The following CD2AP variants were observed in gnomAD, a reference collection of about 807,000 sequenced individuals.
The protein encoded by CD2AP is CD2 associated protein, also known as CD2-associated protein.
CD2AP carries 46 observed loss-of-function variants against 85.1 expected under a neutral mutation model. That is an observed-to-expected ratio of 0.54 (90% confidence interval 0.43 to 0.69). The LOEUF (loss-of-function observed/expected upper bound fraction) is 0.69. Among genes scored for constraint, CD2AP ranks in the 30% least tolerant of loss-of-function variants. CD2AP has a pLI of 0.00. For missense variants in CD2AP, 769 were observed against 729.5 expected, an observed-to-expected ratio of 1.05 and a Z score of -0.62; for synonymous variants, 255 against 252.9, an observed-to-expected ratio of 1.01 and a Z score of -0.08.
chr6:47,535,072 C>T (rs1353563331), intron 3 of CD2AP, among the ~76,000 whole-genome samples: 1 of 152,162 alleles, frequency 6.6e-6, no homozygotes, highest in Middle Eastern at 3.2e-3. Context: ...GCTGGAATTA[C>T]AGACGTGAGC....
rs570969295 is a variant in CD2AP, at chr6:47,560,450, T to G, written c.541+5684T>G. Among the ~76,000 whole-genome samples the G allele has an allele frequency of 1.5e-3, 234 of 152,308 alleles. 1 individual carries two copies. The highest frequency in any genetic ancestry group is 2.3e-3 in the Non-Finnish European group (159 of 68,010). On this transcript the variant is annotated intron_variant, in intron 5 of 17. Transcript: ENST00000359314. ...TATACATGGAATTTATTTCCAGTGT[T>G]TCTTAAATCTGTAATAGTCTTCTAG...
rs372843320 is a variant in CD2AP at position 47,612,013 on chromosome 6, T to C, written c.1815-460T>C. ...TGGCTAGAGTTTTTAATTTGTTTGG[T>C]TTTTGGATTTTAATGTGTTATTTAA... On this transcript the variant is annotated intron_variant, in intron 16 of 17. Transcript: ENST00000359314. Among the ~76,000 whole-genome samples, 243 of 152,108 alleles carry C rather than the reference T, an allele frequency of 1.6e-3. 1 individual carries two copies. Among genetic ancestry groups the C allele is most frequent in the African/African-American group, 5.6e-3 (233 of 41,546 alleles).
intron 3 of CD2AP, among the ~76,000 whole-genome samples, chr6:47,539,657 C>T (rs1270772317): frequency 6.6e-6 from 1 of 151,884 alleles, no homozygotes. Context: ...CTTTTTTTCT[C>T]ATTGGTAAAT....
At chr6:47,564,097 C>T (rs1240344101) in intron 5 of CD2AP, among the ~76,000 whole-genome samples, 2 of 152,122 alleles carry the variant, frequency 1.3e-5, no homozygotes, top group African/African-American at 4.8e-5. Flanking sequence ...TACTCGATAA[C>T]AATTCTGAAG....
At chr6:47,499,770 T>C (rs1436286825) in intron 1 of CD2AP, among the ~76,000 whole-genome samples, 1 of 152,090 alleles carries the variant, frequency 6.6e-6, no homozygotes, top group African/African-American at 2.4e-5. Flanking sequence ...TGAGACAGAG[T>C]CTTGCTCTGT....
intron 2 of CD2AP, among the ~76,000 whole-genome samples, chr6:47,531,953 G>A (rs1582522575): frequency 6.6e-6 from 1 of 151,784 alleles, no homozygotes; most frequent in Admixed American, 6.6e-5. Flanking sequence ...CATGCCTGTA[G>A]TCCCAGCTGC....
intron 5 of CD2AP, chr6:47,562,638 C>A: frequency 2.1e-6 from 1 of 486,106 alleles, no homozygotes; most frequent in Non-Finnish European, 3.8e-6. Flanking sequence ...GGTATTGTTG[C>A]TGGAGATGTA....
intron 3 of CD2AP, among the ~76,000 whole-genome samples, chr6:47,538,498 G>A (rs1397732655): frequency 1.3e-5 from 2 of 151,756 alleles, no homozygotes; most frequent in Non-Finnish European, 2.9e-5. Flanking sequence ...CACCTGCCTC[G>A]GCCTCCCAAA....
intron 4 of CD2AP, among the ~76,000 whole-genome samples, chr6:47,546,508 A>G (rs1264661382): frequency 6.6e-6 from 1 of 152,220 alleles, no homozygotes; most frequent in African/African-American, 2.4e-5. Context: ...ACACTTGGGA[A>G]ATTTATCACA....
rs187901897 is a variant in CD2AP, at chr6:47,530,661, A to G, written c.166-2941A>G. ...GTTATTTTCTGTATTCTTTTGTAAA[A>G]TGTACAGTACTGTGAGAACAAAAGA... On this transcript the variant is annotated intron_variant, in intron 2 of 17. Coordinates refer to ENST00000359314, the MANE Select transcript of CD2AP (RefSeq NM_012120.3). 9.1e-4 allele frequency among the ~76,000 whole-genome samples: 139 copies of G among 152,274 alleles called. 2 individuals are homozygous for G. The highest frequency in any genetic ancestry group is 3.7e-4 in the Non-Finnish European group (25 of 68,026).
In CD2AP at chr6:47,615,752, G is replaced by A. The variant is rs1045933547; in HGVS notation, c.1878+3216G>A. Among the ~76,000 whole-genome samples, 4 of 150,260 alleles carry A rather than the reference G, an allele frequency of 2.7e-5. No individual in the cohort carries two copies. In the Admixed American group the frequency reaches 2.7e-4, roughly 10 times the overall value. The stretch of plus-strand genomic sequence containing the variant: ...TATCAATGATTAAGTAACAGCAATG[G>A]AGCTGAAATTTAATTTTAATTTTAA... On this transcript the variant is annotated intron_variant, in intron 17 of 17. Coordinates refer to ENST00000359314, the MANE Select transcript of CD2AP (RefSeq NM_012120.3).
Position 47,607,871 on chromosome 6 carries a change from C to G in CD2AP, c.1531-56C>G, listed in dbSNP as rs1411219749. On this transcript the variant is annotated intron_variant, in intron 14 of 17. Coordinates refer to ENST00000359314, the MANE Select transcript of CD2AP (RefSeq NM_012120.3). ...ATTTGCTTTATTATCCAAAGACTTA[C>G]TACCTTTTCTTTTCTTTGGTCTATT... The G allele has an allele frequency of 5.1e-6, 6 of 1,167,482 alleles. No homozygotes were observed. The African/African-American group carries it at 9.2e-5, about 18-fold the overall frequency. 72.3% of individuals were successfully genotyped at this position (1,167,482 alleles called of 1,614,324 possible).
In CD2AP at chr6:47,576,948, A is replaced by G. The variant is rs1307339143; in HGVS notation, c.809-61A>G. On this transcript the variant is annotated intron_variant, in intron 7 of 17. Transcript: ENST00000359314. ...ATACTTTACACAAGATAGAGGCTAA[A>G]TAAGTATTTGTTGAATGAATCCATT... 9.0e-6 allele frequency: 8 copies of G among 888,386 alleles called. No homozygotes were observed. In the Admixed American group the frequency reaches 1.0e-4, roughly 11 times the overall value. The allele number at this position is 888,386 out of a possible 1,614,324, so 55.0% of individuals were successfully genotyped here. A position where few individuals can be genotyped will look rare whatever the true frequency, so the allele number is the denominator to read the frequency against.
chr6:47,616,437 G>A (rs1446548129), intron 17 of CD2AP, among the ~76,000 whole-genome samples: 1 of 152,074 alleles, frequency 6.6e-6, no homozygotes, highest in African/African-American at 2.4e-5. Context: ...CAGAACCTTT[G>A]CACTTCGGTA....
At chr6:47,488,365 A>G (rs1281253691) in intron 1 of CD2AP, among the ~76,000 whole-genome samples, 19 of 152,160 alleles carry the variant, frequency 1.2e-4, no homozygotes, top group Non-Finnish European at 2.5e-4. Flanking sequence ...ATACTTTGAG[A>G]CATACTGAGT....
intron 14 of CD2AP, 101 bp downstream of exon 14, chr6:47,606,378 A>G: frequency 1.3e-6 from 1 of 753,654 alleles, no homozygotes; most frequent in Non-Finnish European, 2.4e-6. Flanking sequence ...GAAAATCAGG[A>G]GGATAGCTCT....
intron 17 of CD2AP, among the ~76,000 whole-genome samples, chr6:47,616,995 A>T (rs775231339): frequency 5.3e-5 from 8 of 151,974 alleles, no homozygotes; most frequent in Non-Finnish European, 8.8e-5. Context: ...AGAGACAGGG[A>T]GTCACTCTGT....
rs1769909599 is a variant in CD2AP, at chr6:47,626,411, A to G, written c.*2184A>G. 1 of 151,750 alleles carries G rather than the reference A, an allele frequency of 6.6e-6. No individual in the cohort carries two copies. The highest frequency in any genetic ancestry group is 2.1e-4 in the South Asian group (1 of 4,776). The allele number at this position is 151,750 out of a possible 1,614,324, so 9.4% of individuals were successfully genotyped here. ...TCTATTACTAAAGTTCATATCACAA[A>G]ATGATATTTAATAATAACCTTGGGG... On this transcript the variant is annotated 3_prime_UTR_variant, in exon 18 of 18. Coordinates refer to ENST00000359314, the MANE Select transcript of CD2AP (RefSeq NM_012120.3).
At position 47,533,843 on chromosome 6, in the gene CD2AP, T is replaced by G. The variant is rs188663931; in HGVS notation, c.319+88T>G. The G allele has an allele frequency of 4.9e-5, 66 of 1,353,788 alleles. 1 individual carries two copies. Among genetic ancestry groups the G allele is most frequent in the Admixed American group, 1.2e-4 (6 of 51,130 alleles). The allele number at this position is 1,353,788 out of a possible 1,614,324, so 83.9% of individuals were successfully genotyped here. On this transcript the variant is annotated intron_variant, in intron 3 of 17. Coordinates refer to ENST00000359314, the MANE Select transcript of CD2AP (RefSeq NM_012120.3). ...TCTAAATTAAGAAAAATTAGTTCAG[T>G]CTTTTGTAGACAACTACAGTAACTT...
Sources: gnomAD v4.1 joint callset for allele counts (sites outside exome capture counted in the v4.1 genomes callset) on GRCh38, gnomAD v4.1.1 for gene constraint, MANE v1.5 for transcripts, NCBI Gene and HGNC (gene_info 2026-07-23, HGNC 2026-07-21) for gene names.